ATP8B1: variants seen among roughly 807,000 people sequenced by gnomAD.
ATP8B1 encodes ATPase phospholipid transporting 8B1.
ATP8B1 carries 80 observed loss-of-function variants against 149.9 expected under a neutral mutation model. The ratio of observed to expected loss-of-function variants is 0.53; its 90% CI spans 0.45 to 0.64. ATP8B1 has a LOEUF of 0.64. ATP8B1 is among the 30% of genes least tolerant of loss of function. ATP8B1 has a pLI of 0.00. For missense variants in ATP8B1, 1,247 were observed against 1,552.6 expected (o/e 0.80, Z 3.31); for synonymous variants, 536 against 562.8 (o/e 0.95, Z 0.67).
At chr18:57,782,327 T>C (rs180886481) in intron 1 of ATP8B1, among the ~76,000 whole-genome samples, 102 of 152,368 alleles carry the variant, frequency 6.7e-4, no homozygotes, top group Non-Finnish European at 1.2e-3. Flanking sequence ...CAGACGCCAA[T>C]CCAGCATCCT....
chr18:57,661,921 T>C (rs1910473202), intron 21 of ATP8B1, among the ~76,000 whole-genome samples: 1 of 152,008 alleles, frequency 6.6e-6, no homozygotes, highest in South Asian at 2.1e-4. Context: ...GGTTTCACCA[T>C]ATTGGCCAGG....
intron 1 of ATP8B1, among the ~76,000 whole-genome samples, chr18:57,753,931 C>CA (rs1218057370): frequency 0.091 from 6,406 of 70,452 alleles, 507 homozygotes; most frequent in East Asian, 0.4. Context: ...GACTCTGTCT[C>CA]AAAAAAAAAA....
chr18:57,726,625 T>G (rs1026066979), intron 2 of ATP8B1, among the ~76,000 whole-genome samples: 13 of 152,164 alleles, frequency 8.5e-5, no homozygotes, highest in African/African-American at 2.9e-4. Flanking sequence ...CTTCTATCAT[T>G]AAAAATCTAC....
intron 4 of ATP8B1, among the ~76,000 whole-genome samples, chr18:57,702,025 A>T (rs571313337): frequency 7.9e-5 from 12 of 152,268 alleles, no homozygotes; most frequent in African/African-American, 2.9e-4. Flanking sequence ...TAAGGAATGC[A>T]TGCATAGTAG....
Position 57,691,968 on chromosome 18 carries a change from A to G in ATP8B1, c.1059T>C (p.Ala353=). Residue 353 remains alanine (A), a synonymous_variant, in exon 12 of 28, where the codon GCT becomes GCC. Coordinates refer to ENST00000648908, the MANE Select transcript of ATP8B1 (RefSeq NM_001374385.1). ...TIFVVLILLS[A]GLAIGHAYWE... is the part of the protein sequence containing the mutation. ...AATAAGCATGGCCGATGGCAAGACC[A>G]GCAGAAAGCAGAATAAGAACAACAA... 1 of 1,613,978 alleles carries G rather than the reference A, an allele frequency of 6.2e-7. No individual in the cohort carries two copies.
At chr18:57,768,407 A>G (rs1157684044) in intron 1 of ATP8B1, among the ~76,000 whole-genome samples, 6 of 141,762 alleles carry the variant, frequency 4.2e-5, no homozygotes, top group East Asian at 2.0e-4. Flanking sequence ...AAAAAAAAAA[A>G]AAAGAAAAGA....
chr18:57,788,050 T>G (rs1400780541), intron 1 of ATP8B1, among the ~76,000 whole-genome samples: 3 of 151,830 alleles, frequency 2.0e-5, no homozygotes, highest in Non-Finnish European at 2.9e-5. Context: ...ACAAACTGAA[T>G]ACGGAATGAA....
At chr18:57,785,410 T>A (rs900231062) in intron 1 of ATP8B1, among the ~76,000 whole-genome samples, 1 of 152,284 alleles carries the variant, frequency 6.6e-6, no homozygotes, top group South Asian at 2.1e-4. Flanking sequence ...AAATTCCCGA[T>A]ATTTTTGTTG....
Position 57,688,309 on chromosome 18 carries a change from C to G in ATP8B1, c.1419G>C (p.Gly473=). ...ACGGCTTCCACTTACCATATATCTGCCCGTTGATACAGCACTTTTTAAAGG... is the reference window on the plus strand; with the variant it reads ...ACGGCTTCCACTTACCATATATCTGGCCGTTGATACAGCACTTTTTAAAGG... ...IMTFKKCCIN[G]QIYGDHRDAS... is the part of the protein sequence containing the mutation. Residue 473 remains glycine, a synonymous_variant, in exon 13 of 28, where the codon GGG becomes GGC. Transcript: ENST00000648908. The G allele has an allele frequency of 6.2e-7, 1 of 1,614,018 alleles. No individual in the cohort carries two copies.
intron 2 of ATP8B1, among the ~76,000 whole-genome samples, chr18:57,730,373 G>A (rs997775970): frequency 3.2e-5 from 2 of 61,760 alleles, no homozygotes; most frequent in East Asian, 5.0e-4. Flanking sequence ...TGTCTGGAGC[G>A]CTGAAACCAG....
chr18:57,791,501 C>T (rs1001557739), intron 1 of ATP8B1, among the ~76,000 whole-genome samples: 21 of 151,852 alleles, frequency 1.4e-4, no homozygotes, highest in African/African-American at 5.1e-4. Context: ...CAGGTGCCCA[C>T]CACTGCACCT....
At chr18:57,687,541 T>C (rs1306045978) in intron 13 of ATP8B1, among the ~76,000 whole-genome samples, 2 of 152,196 alleles carry the variant, frequency 1.3e-5, no homozygotes, top group Non-Finnish European at 2.9e-5. Context: ...TTGTAGCATG[T>C]GTCAAATTTT....
intron 1 of ATP8B1, among the ~76,000 whole-genome samples, chr18:57,768,259 C>A (rs573421691): frequency 8.6e-5 from 13 of 151,420 alleles, no homozygotes; most frequent in African/African-American, 3.2e-4. Context: ...TGGTGGGGGG[C>A]ACCTGTAGTC....
In ATP8B1 at chr18:57,678,323, C is replaced by T. The variant is rs912117405; in HGVS notation, c.1631-3301G>A. Among the ~76,000 whole-genome samples, 9 of 152,214 alleles carry T rather than the reference C, an allele frequency of 5.9e-5. No individual in the cohort carries two copies. In the East Asian group the frequency reaches 1.7e-3, roughly 29 times the overall value. On this transcript the variant is annotated intron_variant, in intron 15 of 27. Coordinates refer to ENST00000648908, the MANE Select transcript of ATP8B1 (RefSeq NM_001374385.1). ...ACTATTAGGGCAGGGCACGGTGGCT[C>T]ACACCTGTAATCCCAGCACTTTGGG...
chr18:57,761,172 C>G (rs1376897503), intron 1 of ATP8B1, among the ~76,000 whole-genome samples: 1 of 150,626 alleles, frequency 6.6e-6, no homozygotes, highest in Non-Finnish European at 1.5e-5. Context: ...AACTCATAGC[C>G]TCAAGCAATC....
intron 1 of ATP8B1, among the ~76,000 whole-genome samples, chr18:57,754,737 C>T (rs965397079): frequency 6.6e-6 from 1 of 152,112 alleles, no homozygotes; most frequent in South Asian, 2.1e-4. Flanking sequence ...AATTTACTTT[C>T]GTGTGTTGAA....
intron 1 of ATP8B1, among the ~76,000 whole-genome samples, chr18:57,744,463 T>C (rs918727871): frequency 1.3e-5 from 2 of 152,040 alleles, no homozygotes; most frequent in Non-Finnish European, 2.9e-5. Flanking sequence ...CTGGTTCCCA[T>C]AGGATAAGAA....
rs1369222647 is a variant in ATP8B1, at chr18:57,743,398, G to C, written c.-25-11566C>G. 2.0e-5 allele frequency among the ~76,000 whole-genome samples: 3 copies of C among 152,142 alleles called. No homozygotes were observed. In the East Asian group the frequency reaches 5.8e-4, roughly 29 times the overall value. ...TAGTCACAAGAAAACCCTAAGCAAA[G>C]GAAGAATTTGACAAGCAAAAAATAT... is the stretch of plus-strand genomic sequence containing the variant. On this transcript the variant is annotated intron_variant, in intron 1 of 27. Transcript: ENST00000648908.
chr18:57,790,992 G>A (rs557533870), intron 1 of ATP8B1, among the ~76,000 whole-genome samples: 1 of 152,280 alleles, frequency 6.6e-6, no homozygotes, highest in South Asian at 2.1e-4. Context: ...AAAGTGCTGG[G>A]ATTACAGGCA....
Sources: gnomAD v4.1 joint callset for allele counts (sites outside exome capture counted in the v4.1 genomes callset) on GRCh38, gnomAD v4.1.1 for gene constraint, MANE v1.5 for transcripts, NCBI Gene and HGNC (gene_info 2026-07-23, HGNC 2026-07-21) for gene names.